The following CEP85L variants were observed in gnomAD, a reference collection of about 807,000 sequenced individuals.
CEP85L encodes the protein centrosomal protein 85L, also known as centrosomal protein of 85 kDa-like.
CEP85L carries 60 observed loss-of-function variants against 100.3 expected under a neutral mutation model. The ratio of observed to expected loss-of-function variants is 0.60; its 90% CI spans 0.49 to 0.74. The LOEUF is 0.74. Among genes scored for constraint, CEP85L ranks in the 30% least tolerant of loss-of-function variants. The pLI, the probability that CEP85L is intolerant of heterozygous loss-of-function variation, is 0.00. For missense variants in CEP85L, 973 were observed against 936.2 expected (o/e 1.04, Z -0.51); for synonymous variants, 319 against 322.7 (o/e 0.99, Z 0.12).
At chr6:118,538,284 T>C (rs905011351) in intron 3 of CEP85L, among the ~76,000 whole-genome samples, 6 of 151,986 alleles carry the variant, frequency 3.9e-5, no homozygotes, top group Admixed American at 2.6e-4. Flanking sequence ...TTTTTGTTAC[T>C]AACTCTGTAA....
At chr6:118,708,669 A>G (rs2114394575) in intron 1 of CEP85L, among the ~76,000 whole-genome samples, 2 of 152,362 alleles carry the variant, frequency 1.3e-5, no homozygotes, top group Non-Finnish European at 2.9e-5. Context: ...AAAGTATGAC[A>G]TGGGAACAGC....
chr6:118,504,140 G>C (rs557619180), intron 5 of CEP85L, among the ~76,000 whole-genome samples: 1 of 152,116 alleles, frequency 6.6e-6, no homozygotes, highest in African/African-American at 2.4e-5. Flanking sequence ...TTGGGTGGCC[G>C]AGGCAGGCGG....
rs188016567 is a variant in CEP85L at position 118,463,505 on chromosome 6, G to A, written c.*1900C>T. 2 of 152,112 alleles carry A rather than the reference G, an allele frequency of 1.3e-5. No individual in the cohort carries two copies. The highest frequency in any genetic ancestry group is 3.9e-4 in the East Asian group (2 of 5,182). The allele number at this position is 152,112 out of a possible 1,614,324, so 9.4% of individuals were successfully genotyped here. ...ATCTGTTTTACCATAAAGGACCAAG[G>A]CAGAATTCTTCGCATCACATTTTTG... On this transcript the variant is annotated 3_prime_UTR_variant, in exon 13 of 13. Transcript: ENST00000368491.
chr6:118,651,594 G>GC (rs1775566869), upstream of CEP85L: 1 of 1,065,886 alleles, frequency 9.4e-7, no homozygotes, highest in Non-Finnish European at 1.1e-6. Flanking sequence ...GGTTCTCTCC[G>GC]CCCCCTCCGC....
At chr6:118,672,606 A>C (rs958737351) in intron 1 of CEP85L, among the ~76,000 whole-genome samples, 3 of 152,104 alleles carry the variant, frequency 2.0e-5, no homozygotes, top group African/African-American at 7.2e-5. Flanking sequence ...TTTCTACAAA[A>C]AATGCAAAAC....
upstream of CEP85L, chr6:118,652,549 G>A (rs1775629511): frequency 1.4e-6 from 2 of 1,420,610 alleles, no homozygotes; most frequent in Non-Finnish European, 1.8e-6. Context: ...CGCTTAACTA[G>A]AGAGGCTTTG....
intron 2 of CEP85L, among the ~76,000 whole-genome samples, chr6:118,628,939 A>G (rs1181842585): frequency 6.6e-6 from 1 of 152,224 alleles, no homozygotes; most frequent in Admixed American, 6.5e-5. Flanking sequence ...TGCCAAGAGA[A>G]TAAGACAAGC....
intron 5 of CEP85L, among the ~76,000 whole-genome samples, chr6:118,508,162 C>A (rs1775768207): frequency 6.6e-6 from 1 of 151,856 alleles, no homozygotes; most frequent in Admixed American, 6.6e-5. Flanking sequence ...TGAGGAGGCT[C>A]ATTTGCAAAG....
chr6:118,631,000 C>A (rs970201220), intron 2 of CEP85L, among the ~76,000 whole-genome samples: 7 of 152,258 alleles, frequency 4.6e-5, no homozygotes, highest in Non-Finnish European at 7.3e-5. Context: ...CGTGGAAAAA[C>A]TATCTTCCAC....
chr6:118,583,704 G>A (rs936302349), intron 2 of CEP85L, among the ~76,000 whole-genome samples: 2 of 152,156 alleles, frequency 1.3e-5, no homozygotes, highest in African/African-American at 4.8e-5. Context: ...GGCTAGGAAA[G>A]GGCTAGAAGC....
intron 12 of CEP85L, among the ~76,000 whole-genome samples, chr6:118,467,777 T>TAAA (rs1772640579): frequency 6.6e-6 from 1 of 152,200 alleles, no homozygotes; most frequent in Non-Finnish European, 1.5e-5. Context: ...CAAGAGATAT[T>TAAA]AAAGCACTCC....
At chr6:118,536,456 G>T (rs759067245) in intron 3 of CEP85L, among the ~76,000 whole-genome samples, 1 of 151,984 alleles carries the variant, frequency 6.6e-6, no homozygotes, top group South Asian at 2.1e-4. Context: ...GTACTTTACT[G>T]TATGTTAGAC....
At chr6:118,704,348 A>T (rs1366087237) in intron 1 of CEP85L, among the ~76,000 whole-genome samples, 1 of 152,192 alleles carries the variant, frequency 6.6e-6, no homozygotes, top group Admixed American at 6.5e-5. Context: ...TACCCTGCCC[A>T]CTGGCTCATT....
intron 1 of CEP85L, among the ~76,000 whole-genome samples, chr6:118,696,265 A>G (rs942527237): frequency 4.6e-5 from 7 of 151,486 alleles, no homozygotes; most frequent in Admixed American, 2.0e-4. Context: ...ACTCTGTCTC[A>G]AAAAAAAAGA....
At chr6:118,574,883 C>A (rs1470771979) in intron 2 of CEP85L, among the ~76,000 whole-genome samples, 1 of 151,786 alleles carries the variant, frequency 6.6e-6, no homozygotes, top group Non-Finnish European at 1.5e-5. Context: ...GCTTTCCTGT[C>A]GAGGGTTTAT....
At chr6:118,596,279 TA>T (rs1781454671) in intron 2 of CEP85L, among the ~76,000 whole-genome samples, 1 of 152,194 alleles carries the variant, frequency 6.6e-6, no homozygotes, top group African/African-American at 2.4e-5. Flanking sequence ...TATTATATTA[TA>T]AATATCAACC....
chr6:118,477,039 T>C (rs1257878181), intron 10 of CEP85L, among the ~76,000 whole-genome samples: 1 of 152,204 alleles, frequency 6.6e-6, no homozygotes, highest in East Asian at 1.9e-4. Context: ...TGCAGCCATA[T>C]GTTCATGGAA....
intron 6 of CEP85L, among the ~76,000 whole-genome samples, chr6:118,484,258 G>A (rs1242453520): frequency 4.6e-5 from 7 of 152,248 alleles, no homozygotes; most frequent in Non-Finnish European, 1.0e-4. Context: ...TGAGGTTGCA[G>A]TGAGCCGAGA....
chr6:118,499,842 C>T (rs543110739), intron 5 of CEP85L, among the ~76,000 whole-genome samples: 1 of 152,208 alleles, frequency 6.6e-6, no homozygotes, highest in East Asian at 1.9e-4. Flanking sequence ...CGAATGTCCC[C>T]TCTCACTACT....
Sources: allele counts gnomAD v4.1 joint callset (sites outside exome capture counted in the v4.1 genomes callset), GRCh38; gene constraint gnomAD v4.1.1; transcripts MANE v1.5; gene names NCBI Gene and HGNC (gene_info 2026-07-23, HGNC 2026-07-21).